The following ITGA8 variants were observed in gnomAD, a reference collection of about 807,000 sequenced individuals.
ITGA8 encodes the protein integrin alpha-8.
A neutral mutation model predicts 142.3 loss-of-function variants in ITGA8; 91 were observed. That is an observed-to-expected ratio of 0.64 (90% CI 0.54 to 0.76). The LOEUF (loss-of-function observed/expected upper bound fraction) is 0.76. Among genes scored for constraint, ITGA8 ranks in the 30% least tolerant of loss-of-function variants. ITGA8 has a pLI of 0.00. For missense variants in ITGA8, 1,406 were observed against 1,327.7 expected (o/e 1.06, Z -0.92); for synonymous variants, 505 against 485.2 (o/e 1.04, Z -0.54).
At chr10:15,680,890 T>C (rs1335421931) in intron 4 of ITGA8, among the ~76,000 whole-genome samples, 1 of 152,044 alleles carries the variant, frequency 6.6e-6, no homozygotes, top group Non-Finnish European at 1.5e-5. Context: ...TTTTTTTTCC[T>C]TGTTGAATCA....
At chr10:15,600,620 T>A (rs1414192562) in intron 20 of ITGA8, among the ~76,000 whole-genome samples, 2 of 152,190 alleles carry the variant, frequency 1.3e-5, no homozygotes, top group Non-Finnish European at 2.9e-5. Context: ...CGGATTTGGA[T>A]CTTATCCTCA....
chr10:15,714,914 A>T (rs1033669375), intron 2 of ITGA8, among the ~76,000 whole-genome samples: 1 of 152,178 alleles, frequency 6.6e-6, no homozygotes, highest in Non-Finnish European at 1.5e-5. Flanking sequence ...TGAAAGGTCA[A>T]ATTTACTTAG....
intron 12 of ITGA8, among the ~76,000 whole-genome samples, chr10:15,645,060 C>T (rs1188899158): frequency 2.4e-5 from 3 of 126,398 alleles, no homozygotes; most frequent in African/African-American, 9.2e-5. Context: ...GATCGTGCCA[C>T]TGCACTCTAG....
chr10:15,660,344 A>G (rs567097896), intron 9 of ITGA8, among the ~76,000 whole-genome samples: 1 of 152,198 alleles, frequency 6.6e-6, no homozygotes, highest in Non-Finnish European at 1.5e-5. Flanking sequence ...AGGTCTCATC[A>G]GTTAAGTAGC....
intron 27 of ITGA8, among the ~76,000 whole-genome samples, chr10:15,533,215 G>T (rs1198976471): frequency 6.6e-6 from 1 of 152,006 alleles, no homozygotes; most frequent in Non-Finnish European, 1.5e-5. Flanking sequence ...TCCTCTACAT[G>T]GTAAGGGCAG....
At chr10:15,567,429 A>G (rs1834099698) in intron 25 of ITGA8, among the ~76,000 whole-genome samples, 1 of 152,244 alleles carries the variant, frequency 6.6e-6, no homozygotes, top group Middle Eastern at 3.4e-3. Flanking sequence ...GCTCTAATGG[A>G]TTGCTTTGGA....
chr10:15,630,067 T>G (rs1211305159), intron 13 of ITGA8, among the ~76,000 whole-genome samples: 1 of 152,056 alleles, frequency 6.6e-6, no homozygotes, highest in Non-Finnish European at 1.5e-5. Context: ...CGATTGACAC[T>G]GGTGAAGGCA....
chr10:15,605,253 C>T (rs1833173501), intron 19 of ITGA8, among the ~76,000 whole-genome samples: 1 of 152,126 alleles, frequency 6.6e-6, no homozygotes, highest in African/African-American at 2.4e-5. Flanking sequence ...TTTGTGACAC[C>T]TTCTGCTTTA....
At chr10:15,585,947 GA>G (rs1423565379) in intron 23 of ITGA8, among the ~76,000 whole-genome samples, 1 of 151,098 alleles carries the variant, frequency 6.6e-6, no homozygotes, top group African/African-American at 2.4e-5. Context: ...GGAGAATTGA[GA>G]TTTTTTTTCA....
intron 29 of ITGA8, among the ~76,000 whole-genome samples, chr10:15,518,456 C>T (rs761917953): frequency 3.9e-5 from 6 of 152,212 alleles, no homozygotes; most frequent in Non-Finnish European, 7.3e-5. Flanking sequence ...CGATCAGAAA[C>T]GCCATTCCTT....
chr10:15,714,207 C>T (rs1835410927), intron 2 of ITGA8, among the ~76,000 whole-genome samples: 1 of 152,192 alleles, frequency 6.6e-6, no homozygotes, highest in Non-Finnish European at 1.5e-5. Flanking sequence ...GATGACAGTC[C>T]ATTTCATTGT....
intron 6 of ITGA8, among the ~76,000 whole-genome samples, chr10:15,677,036 G>A (rs957936291): frequency 6.6e-6 from 1 of 151,952 alleles, no homozygotes; most frequent in African/African-American, 2.4e-5. Flanking sequence ...ACAAATGAGA[G>A]TACAAATCGA....
rs1252328178 is a variant in ITGA8 at position 15,694,333 on chromosome 10, C to T, written c.344-6295G>A. Among the ~76,000 whole-genome samples the T allele has an allele frequency of 4.8e-5, 6 of 124,394 alleles. 1 individual carries two copies. The highest frequency in any genetic ancestry group is 8.0e-5 in the Non-Finnish European group (5 of 62,652). 81.6% of individuals were successfully genotyped at this position (124,394 alleles called of 152,430 possible). On this transcript the variant is annotated intron_variant, in intron 2 of 29. Coordinates refer to ENST00000378076, the MANE Select transcript of ITGA8 (RefSeq NM_003638.3). ...ATATATCATATATATGATAATATAT[C>T]ATATATCAGATAATATATCATATAT...
intron 23 of ITGA8, among the ~76,000 whole-genome samples, chr10:15,578,206 AC>A (rs1834335354): frequency 6.6e-6 from 1 of 152,114 alleles, no homozygotes; most frequent in South Asian, 2.1e-4. Flanking sequence ...TCTCTTGGCA[AC>A]CACTAATCTG....
chr10:15,715,382 G>A lies in ITGA8; in HGVS notation c.343+3384C>T, dbSNP rs140850045. ...GGGAAGGCAAATATAGCCTTCCAAAGCTCCTTGGGGGCTTAGTCATAATCC... is the reference window on the plus strand; with the variant it reads ...GGGAAGGCAAATATAGCCTTCCAAAACTCCTTGGGGGCTTAGTCATAATCC... On this transcript the variant is annotated intron_variant, in intron 2 of 29. Coordinates refer to ENST00000378076, the MANE Select transcript of ITGA8 (RefSeq NM_003638.3). Among the ~76,000 whole-genome samples, 1,447 of 152,274 alleles carry A rather than the reference G, an allele frequency of 9.5e-3. 19 individuals are homozygous for A. Among genetic ancestry groups the A allele is most frequent in the African/African-American group, 0.033 (1,383 of 41,548 alleles).
intron 21 of ITGA8, among the ~76,000 whole-genome samples, chr10:15,593,774 C>T (rs1345885510): frequency 6.6e-6 from 1 of 151,960 alleles, no homozygotes; most frequent in Non-Finnish European, 1.5e-5. Flanking sequence ...TTCAGTGTGA[C>T]TTGCTCAAAG....
chr10:15,673,973 T>C (rs1834578501), intron 6 of ITGA8, among the ~76,000 whole-genome samples: 1 of 148,892 alleles, frequency 6.7e-6, no homozygotes, highest in Admixed American at 6.6e-5. Context: ...TATCATGCTC[T>C]TTGGCAGAAA....
At chr10:15,680,620 T>C (rs1462408118) in intron 4 of ITGA8, among the ~76,000 whole-genome samples, 1 of 152,160 alleles carries the variant, frequency 6.6e-6, no homozygotes, top group African/African-American at 2.4e-5. Context: ...ATATTTATTT[T>C]TCCATGCACA....
chr10:15,645,955 A>C (rs570485414), intron 12 of ITGA8, among the ~76,000 whole-genome samples: 1 of 152,352 alleles, frequency 6.6e-6, no homozygotes, highest in East Asian at 1.9e-4. Flanking sequence ...GGTGAAGCCT[A>C]CGTGCCAATT....
Sources: gnomAD v4.1 joint callset for allele counts (sites outside exome capture counted in the v4.1 genomes callset) on GRCh38, gnomAD v4.1.1 for gene constraint, MANE v1.5 for transcripts, NCBI Gene and HGNC (gene_info 2026-07-23, HGNC 2026-07-21) for gene names.